ANO2: variants seen among roughly 807,000 people sequenced by gnomAD.
ANO2 encodes anoctamin 2, also known as anoctamin-2.
ANO2 carries 101 observed loss-of-function variants against 124.2 expected under a neutral mutation model. The observed-to-expected ratio is 0.81, with a 90% CI of 0.69 to 0.96. The LOEUF (loss-of-function observed/expected upper bound fraction) is 0.96, where lower values mean the gene tolerates loss of function less well. Ranked by LOEUF, ANO2 falls within the 40% of genes least tolerant of loss-of-function variation. The pLI, the probability that ANO2 is intolerant of heterozygous loss-of-function variation, is 0.00. For synonymous variants in ANO2, 486 were observed against 482.5 expected (o/e 1.01, Z -0.09); for missense variants, 1,293 against 1,274.5 (o/e 1.01, Z -0.22).
At chr12:5,934,790 T>C (rs1214254257) in intron 1 of ANO2, among the ~76,000 whole-genome samples, 3 of 152,194 alleles carry the variant, frequency 2.0e-5, no homozygotes, top group Admixed American at 2.0e-4. Context: ...TCCGTGTCCC[T>C]CATCATTCTC....
rs1947246613 is a variant in ANO2 at position 5,658,015 on chromosome 12, A to T, written c.1546-10214T>A. ...GGCCAGCAATCTGTGAAATGGGACC[A>T]TAAAGTTACATTTGAGAAAAAATAT... On this transcript the variant is annotated intron_variant, in intron 14 of 24. Transcript: ENST00000682330. This position sits in a 1 kb window ranked among gnomAD's most constrained non-coding sequence, Gnocchi z 4.3. Among the ~76,000 whole-genome samples, 1 of 152,196 alleles carries T rather than the reference A, an allele frequency of 6.6e-6. No individual in the cohort carries two copies. Among genetic ancestry groups the T allele is most frequent in the Admixed American group, 6.5e-5 (1 of 15,284 alleles).
In ANO2 at chr12:5,562,964, T is replaced by A. The variant is rs1217976426; in HGVS notation, c.*335A>T. On this transcript the variant is annotated 3_prime_UTR_variant, in exon 25 of 25. Transcript: ENST00000682330. Reference sequence around the variant, plus strand: ...GTCAAAGTCAGAAATGATGGTGAAGTACAAGAGGGTGCCCCAGGGTACATG... The same window carrying A: ...GTCAAAGTCAGAAATGATGGTGAAGAACAAGAGGGTGCCCCAGGGTACATG... 8 of 284,400 alleles carry A rather than the reference T, an allele frequency of 2.8e-5. No homozygotes were observed. The Admixed American group carries it at 3.7e-4, about 13-fold the overall frequency. The allele number at this position is 284,400 out of a possible 1,614,324, so 17.6% of individuals were successfully genotyped here. A position where few individuals can be genotyped will look rare whatever the true frequency, so the allele number is the denominator to read the frequency against.
At chr12:5,575,224 C>T (rs1319851743) in intron 23 of ANO2, among the ~76,000 whole-genome samples, 4 of 152,210 alleles carry the variant, frequency 2.6e-5, no homozygotes, top group Non-Finnish European at 5.9e-5. Context: ...TATTTCCTAT[C>T]TGTTCTGCTT....
At chr12:5,589,645 C>T (rs772942580) in intron 20 of ANO2, among the ~76,000 whole-genome samples, 1 of 152,082 alleles carries the variant, frequency 6.6e-6, no homozygotes, top group Non-Finnish European at 1.5e-5. Flanking sequence ...AAATTAATTA[C>T]CAAAGGCATC....
chr12:5,918,465 A>G (rs1941507215), intron 3 of ANO2, among the ~76,000 whole-genome samples: 1 of 143,210 alleles, frequency 7.0e-6, no homozygotes, highest in East Asian at 2.0e-4. Context: ...TTTGAGACAG[A>G]GTCTCCCTCT....
intron 19 of ANO2, among the ~76,000 whole-genome samples, chr12:5,606,443 G>A (rs1226647128): frequency 6.6e-6 from 1 of 152,192 alleles, no homozygotes; most frequent in African/African-American, 2.4e-5. Flanking sequence ...TAGTCAGAAA[G>A]CCTTGGAGAG....
At chr12:5,641,630 A>T (rs1209646007) in intron 15 of ANO2, among the ~76,000 whole-genome samples, 1 of 152,218 alleles carries the variant, frequency 6.6e-6, no homozygotes, top group Non-Finnish European at 1.5e-5. Flanking sequence ...GGCTCTCCCC[A>T]TTCCCACCAC....
intron 19 of ANO2, among the ~76,000 whole-genome samples, chr12:5,605,269 T>C (rs1435733734): frequency 6.6e-6 from 1 of 152,214 alleles, no homozygotes; most frequent in African/African-American, 2.4e-5. Context: ...GATTCCACTG[T>C]ATTTGAGGAG....
At chr12:5,828,599 G>A (rs1328307030) in intron 6 of ANO2, among the ~76,000 whole-genome samples, 1 of 152,188 alleles carries the variant, frequency 6.6e-6, no homozygotes, top group African/African-American at 2.4e-5. Context: ...GCACACAGCA[G>A]CTGCCGACTC....
chr12:5,652,609 G>T (rs1946966657), intron 14 of ANO2, among the ~76,000 whole-genome samples: 1 of 152,032 alleles, frequency 6.6e-6, no homozygotes, highest in Non-Finnish European at 1.5e-5. Context: ...CTTGGTGGTG[G>T]TGACTTTGTT....
chr12:5,694,247 G>GAGAC (rs1296536959), intron 14 of ANO2, among the ~76,000 whole-genome samples: 14 of 138,688 alleles, frequency 1.0e-4, no homozygotes, highest in African/African-American at 3.3e-4. Context: ...GGGTTTACCA[G>GAGAC]AGACAGAGAG....
intron 12 of ANO2, 119 bp downstream of exon 12, chr12:5,744,038 T>TCCA: frequency 1.6e-6 from 2 of 1,216,178 alleles, no homozygotes; most frequent in African/African-American, 3.1e-5. Context: ...AAATACTTCT[T>TCCA]GTGATGGGAA....
chr12:5,714,528 G>A (rs1285261860), intron 14 of ANO2, among the ~76,000 whole-genome samples: 2 of 152,174 alleles, frequency 1.3e-5, no homozygotes, highest in East Asian at 3.8e-4. Context: ...ATGGGATAAA[G>A]GCTAAAAAAT....
Position 5,858,353 on chromosome 12 carries a change from T to C in ANO2, c.535-4212A>G, listed in dbSNP as rs547706728. Among the ~76,000 whole-genome samples the C allele has an allele frequency of 5.9e-5, 9 of 152,302 alleles. 1 individual carries two copies. The South Asian group carries it at 1.9e-3, about 32-fold the overall frequency. Reference sequence around the variant, plus strand: ...AAAATATGTTTGTGACAGCATTATTTCTAATAGCAAAATACTGAAAACAAC... The same window carrying C: ...AAAATATGTTTGTGACAGCATTATTCCTAATAGCAAAATACTGAAAACAAC... On this transcript the variant is annotated intron_variant, in intron 3 of 24. Transcript: ENST00000682330.
At chr12:5,875,111 T>C (rs746825625) in intron 3 of ANO2, among the ~76,000 whole-genome samples, 1 of 152,250 alleles carries the variant, frequency 6.6e-6, no homozygotes, top group Non-Finnish European at 1.5e-5. Context: ...CTGTCTGCTA[T>C]ACTGGACTTC....
chr12:5,742,732 T>C (rs569585064), intron 12 of ANO2, among the ~76,000 whole-genome samples: 7 of 152,216 alleles, frequency 4.6e-5, no homozygotes, highest in Admixed American at 1.3e-4. Context: ...AGTTGTAATA[T>C]AGCAAAAAAT....
At chr12:5,878,329 T>C (rs977218189) in intron 3 of ANO2, among the ~76,000 whole-genome samples, 1 of 152,214 alleles carries the variant, frequency 6.6e-6, no homozygotes, top group African/African-American at 2.4e-5. Context: ...GATCACACAT[T>C]AAGGAGTGGT....
intron 3 of ANO2, among the ~76,000 whole-genome samples, chr12:5,911,368 G>A (rs184431297): frequency 5.9e-5 from 9 of 152,240 alleles, no homozygotes; most frequent in African/African-American, 1.4e-4. Flanking sequence ...GCCCCAGACC[G>A]ATAAAGACCC....
At chr12:5,583,225 TAGAC>T (rs1206986404) in intron 20 of ANO2, among the ~76,000 whole-genome samples, 1 of 151,990 alleles carries the variant, frequency 6.6e-6, no homozygotes, top group Non-Finnish European at 1.5e-5. Context: ...AAAAGAGAGG[TAGAC>T]ATGAAGTATG....
Sources: allele counts gnomAD v4.1 joint callset (sites outside exome capture counted in the v4.1 genomes callset), GRCh38; gene constraint gnomAD v4.1.1; non-coding constraint Gnocchi (gnomAD v3.1); transcripts MANE v1.5; gene names NCBI Gene and HGNC (gene_info 2026-07-23, HGNC 2026-07-21).